HOXD3: variants seen among roughly 807,000 people sequenced by gnomAD.
HOXD3 encodes homeobox D3.
In HOXD3, 13 loss-of-function variants were observed where a neutral mutation model predicts 32.8. That is an observed-to-expected ratio of 0.40 (90% CI 0.26 to 0.63). HOXD3 has a LOEUF of 0.63. Ranked by LOEUF, HOXD3 falls within the 20% of genes least tolerant of loss-of-function variation. The pLI, the probability that HOXD3 is intolerant of heterozygous loss-of-function variation, is 0.44. For synonymous variants in HOXD3, 241 were observed against 246.8 expected (o/e 0.98, Z 0.22); for missense variants, 504 against 577.1 (o/e 0.87, Z 1.30).
upstream of HOXD3, chr2:176,153,171 G>A (rs1369561218): frequency 1.7e-6 from 1 of 572,856 alleles, no homozygotes; most frequent in Non-Finnish European, 3.1e-6. Context: ...TATATTATAT[G>A]GCAGGAGCTA....
chr2:176,152,634 C>T (rs983617717), upstream of HOXD3: 1 of 1,614,092 alleles, frequency 6.2e-7, no homozygotes, highest in Non-Finnish European at 8.5e-7. This position sits in a 1 kb window ranked among gnomAD's most constrained non-coding sequence, Gnocchi z 5.2. Context: ...CGGTGGGGAA[C>T]CCAAGCGGTC....
At chr2:176,168,443 C>T (rs1559140466) in intron 2 of HOXD3, among the ~76,000 whole-genome samples, 1 of 152,092 alleles carries the variant, frequency 6.6e-6, no homozygotes, top group Non-Finnish European at 1.5e-5. Flanking sequence ...TGGCAGGTGC[C>T]TGTAATCCCA....
At chr2:176,167,552 GT>G (rs1691012342) in intron 2 of HOXD3, among the ~76,000 whole-genome samples, 1 of 152,100 alleles carries the variant, frequency 6.6e-6, no homozygotes. Context: ...TTATCCCCTA[GT>G]TTTCTACATT....
intron 3 of HOXD3, among the ~76,000 whole-genome samples, chr2:176,170,056 T>C (rs537557660): frequency 2.6e-5 from 4 of 152,282 alleles, no homozygotes; most frequent in South Asian, 2.1e-4. Context: ...CTTAAACTCA[T>C]AAAAACTAAA....
chr2:176,169,470 C>G lies in HOXD3; in HGVS notation c.356C>G (p.Pro119Arg). The change falls in exon 3 of 4, where the codon CCC becomes CGC. Residue 119 changes from proline to arginine, a missense_variant. By Grantham distance (103) the Pro-to-Arg change is moderately radical (BLOSUM62 -2). Transcript: ENST00000683222. ...AACTCAGAGCAGCAGCCACCACAAC[C>G]CCCTCCTCCACCACCGACCCTGCCC... ...GLNSEQQPPQ[P>R]PPPPPTLPPS... 6.2e-7 allele frequency: 1 copy of G among 1,612,952 alleles called. No homozygotes were observed. The highest frequency in any genetic ancestry group is 8.5e-7 in the Non-Finnish European group (1 of 1,179,480).
At chr2:176,159,943 G>C (rs1690744968) in intron 1 of HOXD3, among the ~76,000 whole-genome samples, 1 of 152,234 alleles carries the variant, frequency 6.6e-6, no homozygotes, top group Non-Finnish European at 1.5e-5. Flanking sequence ...ACCAGGTTGG[G>C]GTGCTCAGGG....
intron 2 of HOXD3, among the ~76,000 whole-genome samples, chr2:176,167,696 T>C (rs956442647): frequency 5.8e-5 from 3 of 51,744 alleles, no homozygotes; most frequent in African/African-American, 1.6e-4. Context: ...CTTTTTTTTT[T>C]TTTTTTTTTT....
chr2:176,168,496 G>A (rs939937628), intron 2 of HOXD3, among the ~76,000 whole-genome samples: 3 of 151,984 alleles, frequency 2.0e-5, no homozygotes, highest in Non-Finnish European at 4.4e-5. Context: ...TGAACCCAGA[G>A]GCGTAGGTTG....
In HOXD3 at chr2:176,169,493, C is replaced by G. The variant is rs1380987380; in HGVS notation, c.379C>G (p.Pro127Ala). 6.2e-7 allele frequency: 1 copy of G among 1,613,858 alleles called. No homozygotes were observed. The highest frequency in any genetic ancestry group is 1.7e-5 in the Admixed American group (1 of 59,998). Reference protein sequence around the residue: ...PQPPPPPPTLPPSSPTNPGGG... With the variant: ...PQPPPPPPTLAPSSPTNPGGG... Reference sequence around the variant, plus strand: ...ACCCCCTCCTCCACCACCGACCCTGCCCCCATCTTCACCCACCAATCCTGG... The same window carrying G: ...ACCCCCTCCTCCACCACCGACCCTGGCCCCATCTTCACCCACCAATCCTGG... Residue 127 changes from proline to alanine, a missense_variant, in exon 3 of 4, where the codon CCC becomes GCC. Physicochemically the swap from Pro to Ala is conservative, Grantham distance 27. Transcript: ENST00000683222.
chr2:176,152,613 C>A (rs1398537197), upstream of HOXD3: 3 of 1,613,860 alleles, frequency 1.9e-6, no homozygotes, highest in South Asian at 3.3e-5. This position sits in a 1 kb window ranked among gnomAD's most constrained non-coding sequence, Gnocchi z 5.2. Flanking sequence ...CGCAGTGAAC[C>A]CCAACTACAC....
intron 1 of HOXD3, among the ~76,000 whole-genome samples, chr2:176,162,760 GA>G (rs1295825297): frequency 6.6e-6 from 1 of 152,182 alleles, no homozygotes; most frequent in Non-Finnish European, 1.5e-5. Context: ...GCTGGAAAAA[GA>G]AAAATCTAGC....
intron 1 of HOXD3, chr2:176,160,942 A>G (rs576647941): frequency 1.3e-5 from 2 of 152,364 alleles, no homozygotes; most frequent in South Asian, 2.1e-4. Context: ...GTGCTCGAGT[A>G]TATGGCCGTG....
intron 1 of HOXD3, among the ~76,000 whole-genome samples, chr2:176,159,980 C>T (rs771103868): frequency 2.0e-5 from 3 of 152,224 alleles, no homozygotes; most frequent in African/African-American, 4.8e-5. Context: ...CGCTCTGGGT[C>T]CGGGTCGCCT....
chr2:176,165,860 C>T (rs1690956841), intron 2 of HOXD3: 1 of 152,098 alleles, frequency 6.6e-6, no homozygotes, highest in Admixed American at 6.5e-5. Context: ...AAAGATGAGC[C>T]ACTGAACAGT....
chr2:176,154,887 C>T (rs1690613196), upstream of HOXD3, among the ~76,000 whole-genome samples: 1 of 152,226 alleles, frequency 6.6e-6, no homozygotes, highest in Admixed American at 6.5e-5. Flanking sequence ...AGAGTTCATA[C>T]ATAGTCAAGA....
upstream of HOXD3, chr2:176,153,190 A>G: frequency 1.9e-6 from 1 of 537,454 alleles, no homozygotes; most frequent in Non-Finnish European, 3.3e-6. Context: ...TACTGAGAAC[A>G]TAAAATCTTG....
upstream of HOXD3, chr2:176,152,547 G>T: frequency 7.1e-7 from 1 of 1,402,918 alleles, no homozygotes; most frequent in Non-Finnish European, 1.0e-6. The surrounding 1 kb of genome is among the most constrained non-coding windows in gnomAD (Gnocchi z 5.2). Flanking sequence ...AGCGGCGGAG[G>T]CGAGGGGCCT....
At chr2:176,160,525 C>T (rs1316635124) in intron 1 of HOXD3, among the ~76,000 whole-genome samples, 1 of 152,234 alleles carries the variant, frequency 6.6e-6, no homozygotes, top group African/African-American at 2.4e-5. Context: ...TTCCTTCCAG[C>T]CCCCAGGCTT....
chr2:176,172,526 C>T lies in HOXD3; in HGVS notation c.*252C>T. On this transcript the variant is annotated 3_prime_UTR_variant, in exon 4 of 4. Coordinates refer to ENST00000683222, the MANE Select transcript of HOXD3 (RefSeq NM_006898.5). ...GTAAATTTGACAGTGCCACATACTG[C>T]GGACCAAGGGACTCCAATCTGGTAA... 1 of 525,002 alleles carries T rather than the reference C, an allele frequency of 1.9e-6. No individual in the cohort carries two copies. Among genetic ancestry groups the T allele is most frequent in the Non-Finnish European group, 3.4e-6 (1 of 297,974 alleles). 32.5% of individuals were successfully genotyped at this position (525,002 alleles called of 1,614,324 possible). A position where few individuals can be genotyped will look rare whatever the true frequency, so the allele number is the denominator to read the frequency against.
Sources: allele counts gnomAD v4.1 joint callset (sites outside exome capture counted in the v4.1 genomes callset), GRCh38; gene constraint gnomAD v4.1.1; non-coding constraint Gnocchi (gnomAD v3.1); transcripts MANE v1.5; gene names NCBI Gene and HGNC (gene_info 2026-07-23, HGNC 2026-07-21).